Variants in SEMA3C observed in about 807,000 individuals in gnomAD.
The protein encoded by SEMA3C is semaphorin 3C, also known as semaphorin-3C.
Under a neutral mutation model 89.4 loss-of-function variants are expected in SEMA3C, and 47 were observed. The ratio of observed to expected loss-of-function variants is 0.53; its 90% confidence interval spans 0.42 to 0.67. The LOEUF (loss-of-function observed/expected upper bound fraction) is 0.67. Among genes scored for constraint, SEMA3C ranks in the 30% least tolerant of loss-of-function variants. SEMA3C has a pLI of 0.00. For missense variants in SEMA3C, 839 were observed against 929.1 expected (o/e 0.90, Z 1.26); for synonymous variants, 310 against 320.2 (o/e 0.97, Z 0.34).
chr7:80,864,442 T>G (rs1162160830), intron 2 of SEMA3C, among the ~76,000 whole-genome samples: 1 of 152,072 alleles, frequency 6.6e-6, no homozygotes, highest in Admixed American at 6.6e-5. Context: ...ACAATGTATC[T>G]CTTTCCTTAG....
intron 2 of SEMA3C, among the ~76,000 whole-genome samples, chr7:80,884,629 T>C (rs1791430138): frequency 6.6e-6 from 1 of 152,238 alleles, no homozygotes; most frequent in Non-Finnish European, 1.5e-5. Context: ...TGCGAGAATG[T>C]AAGCAGTTCA....
intron 16 of SEMA3C, 27 bp from the exon 17 acceptor site, chr7:80,749,055 G>C (rs930351888): frequency 6.4e-7 from 1 of 1,574,072 alleles, no homozygotes; most frequent in Non-Finnish European, 8.6e-7. Flanking sequence ...AAAGGCGAGA[G>C]AGAAAGAAAG....
At chr7:80,824,448 C>G (rs528013759) in intron 4 of SEMA3C, among the ~76,000 whole-genome samples, 1 of 151,986 alleles carries the variant, frequency 6.6e-6, no homozygotes. Context: ...CTGAAAACAC[C>G]GGAAGATAAT....
chr7:80,746,718 G>GGGGTGTGTGTGTGTGT (rs149678378), intron 17 of SEMA3C, among the ~76,000 whole-genome samples: 121 of 143,026 alleles, frequency 8.5e-4, no homozygotes, highest in Admixed American at 1.6e-3. Flanking sequence ...ATTGAAGTGG[G>GGGGTGTGTGTGTGTGT]GTGTGTGTGT....
chr7:80,815,693 A>G (rs904132499), intron 5 of SEMA3C, among the ~76,000 whole-genome samples: 3 of 152,102 alleles, frequency 2.0e-5, no homozygotes, highest in Admixed American at 2.0e-4. Flanking sequence ...CTACAAAAAG[A>G]TACTGAAACA....
intron 12 of SEMA3C, among the ~76,000 whole-genome samples, chr7:80,769,885 A>C (rs1028017034): frequency 9.9e-5 from 15 of 151,554 alleles, no homozygotes; most frequent in Non-Finnish European, 1.8e-4. Context: ...AAAAAAAAAA[A>C]AAACCACAAT....
At chr7:80,786,144 C>T (rs1246393309) in intron 12 of SEMA3C, among the ~76,000 whole-genome samples, 1 of 152,144 alleles carries the variant, frequency 6.6e-6, no homozygotes, top group Admixed American at 6.5e-5. Flanking sequence ...GCAGCTTCCA[C>T]TACAATTAAA....
chr7:80,919,260 GC>G (rs1792358036), upstream of SEMA3C: 4 of 985,000 alleles, frequency 4.1e-6, no homozygotes, highest in South Asian at 1.9e-4. Context: ...ACCGGGCGGG[GC>G]CGACCCTTAG....
intron 2 of SEMA3C, among the ~76,000 whole-genome samples, chr7:80,878,674 C>A (rs958198545): frequency 4.6e-5 from 7 of 151,874 alleles, no homozygotes; most frequent in Non-Finnish European, 1.0e-4. Context: ...ATTAGGTGTC[C>A]AGTACACCTA....
chr7:80,743,600 T>A lies in SEMA3C; in HGVS notation c.*1294A>T, dbSNP rs1787730968. ...AGAGCATGAATAATTTTTTTCACAT[T>A]TTTCCATCTAATTTTTATTTGGAGA... On this transcript the variant is annotated 3_prime_UTR_variant, in exon 18 of 18. Coordinates refer to ENST00000265361, the MANE Select transcript of SEMA3C (RefSeq NM_006379.5). The A allele has an allele frequency of 6.6e-6, 1 of 151,750 alleles. No homozygotes were observed. The highest frequency in any genetic ancestry group is 1.5e-5 in the Non-Finnish European group (1 of 67,834). The allele number at this position is 151,750 out of a possible 1,614,324, so 9.4% of individuals were successfully genotyped here. A position where few individuals can be genotyped will look rare whatever the true frequency, so the allele number is the denominator to read the frequency against.
chr7:80,805,871 T>C, intron 6 of SEMA3C, 113 bp from the exon 7 acceptor site: 1 of 593,136 alleles, frequency 1.7e-6, no homozygotes, highest in South Asian at 3.5e-5. Flanking sequence ...TGATAATTGG[T>C]TATAACAAAT....
intron 12 of SEMA3C, among the ~76,000 whole-genome samples, chr7:80,786,261 A>G (rs1318645087): frequency 2.6e-5 from 4 of 152,224 alleles, no homozygotes; most frequent in Non-Finnish European, 4.4e-5. Context: ...AAAGCCAAAG[A>G]ATTTGTGCAA....
intron 2 of SEMA3C, among the ~76,000 whole-genome samples, chr7:80,881,908 T>G (rs982491725): frequency 6.6e-6 from 1 of 152,156 alleles, no homozygotes; most frequent in Non-Finnish European, 1.5e-5. Flanking sequence ...ACAAGTATCA[T>G]CTATTGGGGG....
At position 80,765,368 on chromosome 7, in the gene SEMA3C, A is replaced by G. The variant is rs549321843; in HGVS notation, c.1355-125T>C. 1.5e-4 allele frequency: 101 copies of G among 652,448 alleles called. 1 individual carries two copies. The highest frequency in any genetic ancestry group is 1.5e-3 in the African/African-American group (79 of 54,030). 40.4% of individuals were successfully genotyped at this position (652,448 alleles called of 1,614,324 possible). On this transcript the variant is annotated intron_variant, in intron 12 of 17. Coordinates refer to ENST00000265361, the MANE Select transcript of SEMA3C (RefSeq NM_006379.5). ...TTAGTAATCAAAAAACATTGTATGTATTAAGCCACTGCCATGTGCTGAATG... is the reference window on the plus strand; with the variant it reads ...TTAGTAATCAAAAAACATTGTATGTGTTAAGCCACTGCCATGTGCTGAATG...
chr7:80,896,204 AC>A (rs1791733663), intron 2 of SEMA3C, among the ~76,000 whole-genome samples: 2 of 152,192 alleles, frequency 1.3e-5, no homozygotes, highest in Non-Finnish European at 2.9e-5. Flanking sequence ...ACAACTGTAA[AC>A]ATGGAATTCA....
At chr7:80,778,086 G>A (rs1198516622) in intron 12 of SEMA3C, among the ~76,000 whole-genome samples, 8 of 152,060 alleles carry the variant, frequency 5.3e-5, no homozygotes, top group African/African-American at 1.9e-4. Context: ...CCCATAATAT[G>A]GTATTGGCTC....
In SEMA3C at chr7:80,761,653, T is replaced by C. The variant is rs1026735841; in HGVS notation, c.1448A>G (p.His483Arg). ...AATTTTCATTGTTGTTATAGGAGCA[T>C]GATTCTAAAATATTAGAAAACAACA... ...ILEELEVFKNHAPITTMKISS... is the reference protein window; with the variant it reads ...ILEELEVFKNRAPITTMKISS... Residue 483 changes from histidine to arginine, a missense_variant, in exon 14 of 18, where the codon CAT becomes CGT. Coordinates refer to ENST00000265361, the MANE Select transcript of SEMA3C (RefSeq NM_006379.5). 9 of 1,337,204 alleles carry C rather than the reference T, an allele frequency of 6.7e-6. No individual in the cohort carries two copies. The highest frequency in any genetic ancestry group is 4.1e-6 in the Non-Finnish European group (4 of 972,306). 82.8% of individuals were successfully genotyped at this position (1,337,204 alleles called of 1,614,324 possible). A position where few individuals can be genotyped will look rare whatever the true frequency, so the allele number is the denominator to read the frequency against.
At chr7:80,847,670 A>G (rs1562903806) in intron 2 of SEMA3C, among the ~76,000 whole-genome samples, 1 of 152,118 alleles carries the variant, frequency 6.6e-6, no homozygotes, top group Admixed American at 6.6e-5. Flanking sequence ...TGAATCCACA[A>G]TATAATTTGT....
chr7:80,864,380 A>G (rs991489081), intron 2 of SEMA3C, among the ~76,000 whole-genome samples: 3 of 152,134 alleles, frequency 2.0e-5, no homozygotes, highest in Admixed American at 2.0e-4. Flanking sequence ...CTGTACCGCA[A>G]TAACTTATGA....
Sources: allele counts gnomAD v4.1 joint callset (sites outside exome capture counted in the v4.1 genomes callset), GRCh38; gene constraint gnomAD v4.1.1; transcripts MANE v1.5; gene names NCBI Gene and HGNC (gene_info 2026-07-23, HGNC 2026-07-21).